KDM4C: variants seen among roughly 807,000 people sequenced by gnomAD.
KDM4C encodes lysine demethylase 4C.
In KDM4C, 81 loss-of-function variants were observed where a neutral mutation model predicts 129.3. The ratio of observed to expected loss-of-function variants is 0.63; its 90% CI spans 0.52 to 0.75. The LOEUF (loss-of-function observed/expected upper bound fraction) is 0.75. Among genes scored for constraint, KDM4C ranks in the 30% least tolerant of loss-of-function variants. KDM4C has a pLI of 0.00. For synonymous variants in KDM4C, 573 were observed against 456.1 expected, an observed-to-expected ratio of 1.26 and a Z score of -3.26; for missense variants, 1,457 against 1,304.0, an observed-to-expected ratio of 1.12 and a Z score of -1.81.
chr9:7,154,071 G>A (rs1842941461), intron 19 of KDM4C, among the ~76,000 whole-genome samples: 1 of 152,202 alleles, frequency 6.6e-6, no homozygotes, highest in Admixed American at 6.5e-5. Context: ...TCTTTGCTGT[G>A]AGGGAAGCTG....
chr9:6,728,475 A>C (rs544170574), intron 1 of KDM4C, among the ~76,000 whole-genome samples: 49 of 152,200 alleles, frequency 3.2e-4, no homozygotes, highest in African/African-American at 1.2e-3. Flanking sequence ...CAGAGGTTTC[A>C]GTGAACTGAG....
At chr9:7,112,316 A>G (rs1838418032) in intron 18 of KDM4C, among the ~76,000 whole-genome samples, 1 of 152,074 alleles carries the variant, frequency 6.6e-6, no homozygotes, top group African/African-American at 2.4e-5. Context: ...GGGCAGTATT[A>G]GGAAGCTCAA....
intron 1 of KDM4C, among the ~76,000 whole-genome samples, chr9:6,752,460 GA>G (rs1320282244): frequency 7.0e-6 from 1 of 143,526 alleles, no homozygotes; most frequent in African/African-American, 2.6e-5. Context: ...GCCCAAGCTG[GA>G]ATGCAATGGC....
intron 18 of KDM4C, among the ~76,000 whole-genome samples, chr9:7,109,988 G>A (rs1432874702): frequency 3.3e-5 from 5 of 152,116 alleles, no homozygotes; most frequent in African/African-American, 7.2e-5. Context: ...TGTCCTGTGA[G>A]GAGGTGCCTT....
At chr9:6,760,760 G>C (rs997630564) in intron 1 of KDM4C, among the ~76,000 whole-genome samples, 1 of 151,188 alleles carries the variant, frequency 6.6e-6, no homozygotes, top group African/African-American at 2.4e-5. Context: ...TTTTAGTAGA[G>C]ATGGGGTTTC....
chr9:6,748,181 A>G (rs1478328035), intron 1 of KDM4C, among the ~76,000 whole-genome samples: 10 of 129,114 alleles, frequency 7.7e-5, no homozygotes, highest in Non-Finnish European at 1.7e-4. Context: ...AAAAACAAAC[A>G]AACAAACAAA....
At chr9:7,104,789 A>G (rs1267212176) in intron 18 of KDM4C, among the ~76,000 whole-genome samples, 4 of 152,324 alleles carry the variant, frequency 2.6e-5, no homozygotes, top group African/African-American at 7.2e-5. Context: ...TGCTTCTCCT[A>G]TGTCCCTAAT....
intron 18 of KDM4C, among the ~76,000 whole-genome samples, chr9:7,110,634 CA>C (rs1296695560): frequency 6.6e-6 from 1 of 152,202 alleles, no homozygotes; most frequent in Non-Finnish European, 1.5e-5. Flanking sequence ...TACTCTTCCA[CA>C]GGGGGCCTCT....
chr9:6,759,910 C>T (rs1214666325), intron 1 of KDM4C, among the ~76,000 whole-genome samples: 1 of 146,728 alleles, frequency 6.8e-6, no homozygotes, highest in Non-Finnish European at 1.5e-5. Context: ...CACTGCACTC[C>T]AGCGTGGGTG....
chr9:6,806,475 C>G (rs1334070389), intron 3 of KDM4C, among the ~76,000 whole-genome samples: 1 of 151,420 alleles, frequency 6.6e-6, no homozygotes, highest in African/African-American at 2.4e-5. Flanking sequence ...GCCTGGGCAA[C>G]AAGAGTGAAA....
At position 6,856,568 on chromosome 9, in the gene KDM4C, GTGTGTGTGTGTGTA is replaced by G. The variant is rs1430437803; in HGVS notation, c.629+6870_629+6883del. 1.2e-3 allele frequency among the ~76,000 whole-genome samples: 169 copies of G among 137,010 alleles called. 2 individuals are homozygous for G. Among genetic ancestry groups the G allele is most frequent in the Admixed American group, 9.7e-3 (137 of 14,128 alleles). The allele number at this position is 137,010 out of a possible 152,430, so 89.9% of individuals were successfully genotyped here. A position where few individuals can be genotyped will look rare whatever the true frequency, so the allele number is the denominator to read the frequency against. ...TGTGTGTGTGTGTGTGTGTGTGTGT[GTGTGTGTGTGTGTA>G]TTTTTTTTTGAGACAGAGTCTCACT... On this transcript the variant is annotated intron_variant, in intron 5 of 21. Coordinates refer to ENST00000381309, the MANE Select transcript of KDM4C (RefSeq NM_015061.6).
At chr9:7,089,252 T>A (rs1162327109) in intron 17 of KDM4C, among the ~76,000 whole-genome samples, 1 of 92,944 alleles carries the variant, frequency 1.1e-5, no homozygotes, top group African/African-American at 4.8e-5. Context: ...TTTATTTTAT[T>A]TTTTTTGCAG....
intron 19 of KDM4C, among the ~76,000 whole-genome samples, chr9:7,149,441 C>G (rs1340037233): frequency 6.6e-6 from 1 of 152,238 alleles, no homozygotes; most frequent in African/African-American, 2.4e-5. Context: ...GGCTGGGCAG[C>G]TGCAGCTGCA....
chr9:7,102,475 G>T (rs1837209460), intron 17 of KDM4C, among the ~76,000 whole-genome samples: 1 of 152,054 alleles, frequency 6.6e-6, no homozygotes, highest in Non-Finnish European at 1.5e-5. Context: ...ATAAAGGATG[G>T]AGATACACAT....
intron 4 of KDM4C, among the ~76,000 whole-genome samples, chr9:6,824,649 A>C (rs543812373): frequency 9.7e-4 from 147 of 151,910 alleles, no homozygotes; most frequent in Middle Eastern, 3.4e-3. Flanking sequence ...AAAAAAAAAA[A>C]AAAATTAAGA....
intron 1 of KDM4C, among the ~76,000 whole-genome samples, chr9:6,760,464 T>TATAA (rs993536867): frequency 6.7e-6 from 1 of 150,264 alleles, no homozygotes; most frequent in South Asian, 2.1e-4. Flanking sequence ...TATATATATA[T>TATAA]AATGTAATTG....
At chr9:7,015,596 GT>G in intron 14 of KDM4C, among the ~76,000 whole-genome samples, 1 of 152,192 alleles carries the variant, frequency 6.6e-6, no homozygotes. Context: ...TAAGATGTCT[GT>G]GTGTGAACAA....
intron 14 of KDM4C, among the ~76,000 whole-genome samples, chr9:7,014,691 G>A (rs568780472): frequency 6.6e-6 from 1 of 152,092 alleles, no homozygotes; most frequent in East Asian, 1.9e-4. Flanking sequence ...AACACACTTA[G>A]GTATGGCCTG....
chr9:6,811,002 A>G (rs1183098868), intron 3 of KDM4C, among the ~76,000 whole-genome samples: 1 of 152,246 alleles, frequency 6.6e-6, no homozygotes, highest in Non-Finnish European at 1.5e-5. Context: ...AGTTTCATGT[A>G]GAAATTTATT....
Sources: allele counts gnomAD v4.1 joint callset (sites outside exome capture counted in the v4.1 genomes callset), GRCh38; gene constraint gnomAD v4.1.1; transcripts MANE v1.5; gene names NCBI Gene and HGNC (gene_info 2026-07-23, HGNC 2026-07-21).